The following CDYL variants were observed in gnomAD, a reference collection of about 807,000 sequenced individuals.
CDYL encodes chromodomain Y like, also known as chromodomain Y-like protein.
CDYL carries 8 observed loss-of-function variants against 47.3 expected under a neutral mutation model. The ratio of observed to expected loss-of-function variants is 0.17; its 90% CI spans 0.10 to 0.31. The LOEUF (loss-of-function observed/expected upper bound fraction) is 0.31. CDYL is among the 10% of genes least tolerant of loss of function. CDYL has a pLI of 1.00. For synonymous variants in CDYL, 266 were observed against 265.0 expected (o/e 1.00, Z -0.04); for missense variants, 471 against 701.4 (o/e 0.67, Z 3.71).
rs57810529 is a variant in CDYL, at chr6:4,740,789, CT to C, written c.186+5960del. Reference sequence around the variant, plus strand: ...TTGGAAAGGGCATATACTCTAAAATCTTTTTTTTTTTTTTTGAGATGGAGTC... The same window carrying C: ...TTGGAAAGGGCATATACTCTAAAATCTTTTTTTTTTTTTTGAGATGGAGTC... On this transcript the variant is annotated intron_variant, in intron 3 of 8. Coordinates refer to the CDYL transcript ENST00000328908. Among the ~76,000 whole-genome samples, 660 of 140,436 alleles carry C rather than the reference CT, an allele frequency of 4.7e-3. 1 individual carries two copies. The highest frequency in any genetic ancestry group is 0.035 in the East Asian group (171 of 4,898). The allele number at this position is 140,436 out of a possible 152,430, so 92.1% of individuals were successfully genotyped here. A position where few individuals can be genotyped will look rare whatever the true frequency, so the allele number is the denominator to read the frequency against.
intron 1 of CDYL, among the ~76,000 whole-genome samples, chr6:4,791,926 A>G (rs550741040): frequency 1.2e-4 from 18 of 148,884 alleles, no homozygotes; most frequent in Admixed American, 1.2e-3. Context: ...TCTGTTGCCC[A>G]GGCTGGAGTG....
At chr6:4,795,153 T>TA (rs144456009) in intron 1 of CDYL, among the ~76,000 whole-genome samples, 14,590 of 148,840 alleles carry the variant, frequency 0.098, 730 homozygotes, top group South Asian at 0.16. Flanking sequence ...TGCTCTTTTT[T>TA]AAAAAAAAAA....
Position 4,776,738 on chromosome 6 carries a change from G to GGCCCC in CDYL, c.-46_-45insGCCCC. 23 of 1,250,170 alleles carry GGCCCC rather than the reference G, an allele frequency of 1.8e-5. No homozygotes were observed. The highest frequency in any genetic ancestry group is 1.9e-5 in the Non-Finnish European group (18 of 969,172). The allele number at this position is 1,250,170 out of a possible 1,614,324, so 77.4% of individuals were successfully genotyped here. On this transcript the variant is annotated 5_prime_UTR_variant, in exon 1 of 7. Coordinates refer to ENST00000397588, the MANE Select transcript of CDYL (RefSeq NM_004824.4). The stretch of plus-strand genomic sequence containing the variant: ...AAAGTGTCGGCCGCCCGGCGCCGGC[G>GGCCCC]CCCGCCCCGACCCTGCCCCTCCCGC...
chr6:4,767,038 A>C (rs1758265272), intron 3 of CDYL, among the ~76,000 whole-genome samples: 1 of 152,096 alleles, frequency 6.6e-6, no homozygotes, highest in South Asian at 2.1e-4. Context: ...TTTCAGGTGA[A>C]TCTTCCTCAT....
At chr6:4,877,843 C>T (rs2127476400) in intron 1 of CDYL, among the ~76,000 whole-genome samples, 1 of 152,218 alleles carries the variant, frequency 6.6e-6, no homozygotes, top group East Asian at 1.9e-4. Flanking sequence ...ATGTTAAAAT[C>T]ATCTTGTTGG....
intron 1 of CDYL, among the ~76,000 whole-genome samples, chr6:4,806,383 G>T (rs554230213): frequency 6.6e-6 from 1 of 152,280 alleles, no homozygotes; most frequent in East Asian, 1.9e-4. Context: ...ATTCATTCTG[G>T]CATCCCCCTA....
chr6:4,935,420 G>A (rs866988293), intron 2 of CDYL, 95 bp from the exon 3 acceptor site: 2 of 1,050,426 alleles, frequency 1.9e-6, no homozygotes, highest in Middle Eastern at 2.6e-4. Context: ...AATCCTAAGT[G>A]TGTAATGAAC....
intron 2 of CDYL, among the ~76,000 whole-genome samples, chr6:4,917,153 T>G (rs1757581840): frequency 6.6e-6 from 1 of 152,248 alleles, no homozygotes; most frequent in Non-Finnish European, 1.5e-5. Flanking sequence ...CTTATGGTTT[T>G]GGGGTGGTTG....
chr6:4,930,975 T>C (rs539374986), intron 2 of CDYL, among the ~76,000 whole-genome samples: 3 of 152,326 alleles, frequency 2.0e-5, no homozygotes, highest in Admixed American at 6.5e-5. Flanking sequence ...GCGGTTTTTT[T>C]CTGAATCTCA....
At position 4,922,993 on chromosome 6, in the gene CDYL, T is replaced by A. The variant is rs140968297; in HGVS notation, c.692-12522T>A. Among the ~76,000 whole-genome samples the A allele has an allele frequency of 2.5e-4, 38 of 152,340 alleles. 1 individual carries two copies. The highest frequency in any genetic ancestry group is 9.1e-4 in the African/African-American group (38 of 41,580). ...TCAACACTTATGTACATATTACAAT[T>A]ATTATGTACAATATAATTTGATATA... On this transcript the variant is annotated intron_variant, in intron 2 of 6. Coordinates refer to ENST00000397588, the MANE Select transcript of CDYL (RefSeq NM_004824.4).
At chr6:4,756,613 T>C (rs1758080005) in intron 3 of CDYL, among the ~76,000 whole-genome samples, 1 of 152,032 alleles carries the variant, frequency 6.6e-6, no homozygotes, top group African/African-American at 2.4e-5. Context: ...TGTGTGTGTG[T>C]GTATCTTGCC....
intron 3 of CDYL, among the ~76,000 whole-genome samples, chr6:4,766,058 T>C (rs1758247551): frequency 6.6e-6 from 1 of 152,200 alleles, no homozygotes; most frequent in South Asian, 2.1e-4. Flanking sequence ...AAATGATACG[T>C]ATTTTCAATA....
chr6:4,812,098 T>A (rs765683719), intron 1 of CDYL, among the ~76,000 whole-genome samples: 36 of 152,222 alleles, frequency 2.4e-4, no homozygotes, highest in Non-Finnish European at 4.4e-4. Flanking sequence ...CTTTGGTGAT[T>A]TGTAGGGACA....
At chr6:4,744,220 G>A (rs1008968424) in intron 3 of CDYL, among the ~76,000 whole-genome samples, 7 of 152,182 alleles carry the variant, frequency 4.6e-5, no homozygotes, top group South Asian at 2.1e-4. Flanking sequence ...TAGCTCAGGC[G>A]CGAAGTCTCA....
At chr6:4,800,688 A>C (rs1759199050) in intron 1 of CDYL, among the ~76,000 whole-genome samples, 1 of 152,174 alleles carries the variant, frequency 6.6e-6, no homozygotes, top group African/African-American at 2.4e-5. Context: ...CTTCTTCTGA[A>C]TACTAGAATT....
intron 3 of CDYL, among the ~76,000 whole-genome samples, chr6:4,747,571 A>G (rs1044692884): frequency 1.3e-5 from 2 of 152,170 alleles, no homozygotes; most frequent in African/African-American, 4.8e-5. Context: ...GCACAGATAT[A>G]AATTGCTTCC....
At chr6:4,836,217 C>T (rs1280444243) in intron 1 of CDYL, 1 of 973,318 alleles carries the variant, frequency 1.0e-6, no homozygotes, top group Non-Finnish European at 1.2e-6. Flanking sequence ...ATTCGGCCAT[C>T]TTGGCTCCTC....
At chr6:4,862,367 A>C (rs142916442) in intron 1 of CDYL, among the ~76,000 whole-genome samples, 194 of 152,326 alleles carry the variant, frequency 1.3e-3, no homozygotes, top group African/African-American at 4.4e-3. Flanking sequence ...CCTATAAAGT[A>C]GGCTTTAAGC....
chr6:4,870,073 T>A (rs1397723067), intron 1 of CDYL, among the ~76,000 whole-genome samples: 2 of 152,164 alleles, frequency 1.3e-5, no homozygotes, highest in Non-Finnish European at 2.9e-5. Flanking sequence ...ATTTATTCAT[T>A]TATTGTTATG....
Sources: gnomAD v4.1 joint callset for allele counts (sites outside exome capture counted in the v4.1 genomes callset) on GRCh38, gnomAD v4.1.1 for gene constraint, MANE v1.5 for transcripts, NCBI Gene and HGNC (gene_info 2026-07-23, HGNC 2026-07-21) for gene names.